UNC5C: variants seen among roughly 807,000 people sequenced by gnomAD.
UNC5C encodes the protein netrin receptor UNC5C.
UNC5C carries 47 observed loss-of-function variants against 99.8 expected under a neutral mutation model. That is an observed-to-expected ratio of 0.47 (90% CI 0.37 to 0.60). The LOEUF is 0.60. Among genes scored for constraint, UNC5C ranks in the 20% least tolerant of loss-of-function variants. UNC5C has a pLI of 0.00. For missense variants in UNC5C, 1,062 were observed against 1,165.9 expected (o/e 0.91, Z 1.30); for synonymous variants, 487 against 452.2 (o/e 1.08, Z -0.98).
At chr4:95,499,548 T>C (rs1475413864) in intron 1 of UNC5C, among the ~76,000 whole-genome samples, 3 of 152,000 alleles carry the variant, frequency 2.0e-5, no homozygotes, top group African/African-American at 7.2e-5. Context: ...CAATCAATCA[T>C]GAAGAAAAGG....
chr4:95,420,637 A>T (rs1384864), intron 1 of UNC5C, among the ~76,000 whole-genome samples: 9,756 of 152,212 alleles, frequency 0.064, 397 homozygotes, highest in South Asian at 0.11. Flanking sequence ...AATGACCTAT[A>T]AGAGTAAACA....
intron 11 of UNC5C, 151 bp from the exon 12 acceptor site, chr4:95,203,115 C>T: frequency 1.5e-6 from 1 of 651,662 alleles, no homozygotes; most frequent in South Asian, 1.9e-5. Context: ...TTGAGTTCAT[C>T]ATTCTGTCTC....
At chr4:95,309,940 C>T (rs1313768560) in intron 2 of UNC5C, among the ~76,000 whole-genome samples, 2 of 152,086 alleles carry the variant, frequency 1.3e-5, no homozygotes, top group Non-Finnish European at 2.9e-5. Flanking sequence ...TAGGTGTATA[C>T]CCAAAGTAAA....
chr4:95,410,647 G>A (rs531222164), intron 1 of UNC5C, among the ~76,000 whole-genome samples: 20 of 152,270 alleles, frequency 1.3e-4, no homozygotes, highest in Non-Finnish European at 2.1e-4. Flanking sequence ...GGGATGCAGC[G>A]TTTAGCTAGA....
intron 1 of UNC5C, among the ~76,000 whole-genome samples, chr4:95,350,784 G>A (rs1347162887): frequency 6.6e-6 from 1 of 152,008 alleles, no homozygotes; most frequent in Non-Finnish European, 1.5e-5. Context: ...TCTCTGTGAT[G>A]GTCAATTATA....
At chr4:95,316,372 G>A (rs529221017) in intron 2 of UNC5C, among the ~76,000 whole-genome samples, 14 of 152,236 alleles carry the variant, frequency 9.2e-5, no homozygotes, top group Middle Eastern at 3.4e-3. Context: ...CAAGGACTTG[G>A]AGTGTGGACC....
chr4:95,470,887 AAAG>A, intron 1 of UNC5C, among the ~76,000 whole-genome samples: 1 of 152,232 alleles, frequency 6.6e-6, no homozygotes, highest in East Asian at 1.9e-4. Context: ...TAAAAACAAA[AAAG>A]AAGTATGAAA....
intron 1 of UNC5C, among the ~76,000 whole-genome samples, chr4:95,523,581 AATAAT>A (rs1354427365): frequency 6.6e-6 from 1 of 152,176 alleles, no homozygotes; most frequent in Non-Finnish European, 1.5e-5. Flanking sequence ...AGAGAGAAAA[AATAAT>A]AAAAATATTA....
chr4:95,260,109 G>T lies in UNC5C; in HGVS notation c.595-9442C>A, dbSNP rs191051830. Among the ~76,000 whole-genome samples, 424 of 152,266 alleles carry T rather than the reference G, an allele frequency of 2.8e-3. 2 individuals are homozygous for T. The highest frequency in any genetic ancestry group is 9.4e-3 in the African/African-American group (389 of 41,540). On this transcript the variant is annotated intron_variant, in intron 4 of 15. Transcript: ENST00000453304. The stretch of plus-strand genomic sequence containing the variant: ...CTGCACTGGTCCCCAAAAAGGGACT[G>T]TCCCCCATCTTTTTCCTCATTAAAC...
At chr4:95,183,985 A>G (rs542410935) in intron 13 of UNC5C, among the ~76,000 whole-genome samples, 1 of 152,328 alleles carries the variant, frequency 6.6e-6, no homozygotes, top group South Asian at 2.1e-4. Context: ...CTAATATCAT[A>G]TTATCATTAT....
intron 1 of UNC5C, among the ~76,000 whole-genome samples, chr4:95,493,925 T>G (rs1414407488): frequency 1.3e-5 from 2 of 151,462 alleles, no homozygotes; most frequent in Non-Finnish European, 3.0e-5. Context: ...CTCTATCAAT[T>G]ACAACGCCAT....
chr4:95,261,993 C>T (rs74288926), intron 4 of UNC5C, among the ~76,000 whole-genome samples: 19,751 of 152,200 alleles, frequency 0.13, 1,365 homozygotes, highest in South Asian at 0.18. Flanking sequence ...TTAGCCACTG[C>T]GCCCAGTCTG....
At chr4:95,404,920 C>T (rs1745794280) in intron 1 of UNC5C, among the ~76,000 whole-genome samples, 1 of 152,084 alleles carries the variant, frequency 6.6e-6, no homozygotes, top group Admixed American at 6.6e-5. Context: ...TGGCTGGGGG[C>T]AGTTGAAGAG....
chr4:95,290,453 T>A (rs1741401896), intron 3 of UNC5C, among the ~76,000 whole-genome samples: 1 of 152,182 alleles, frequency 6.6e-6, no homozygotes, highest in African/African-American at 2.4e-5. Context: ...AGAATGGTTG[T>A]ATGTTTTTTG....
intron 1 of UNC5C, among the ~76,000 whole-genome samples, chr4:95,548,414 C>A (rs973285240): frequency 4.6e-5 from 7 of 152,082 alleles, no homozygotes; most frequent in African/African-American, 1.4e-4. Context: ...TATGCAACAA[C>A]GTGCGCGTGC....
intron 1 of UNC5C, among the ~76,000 whole-genome samples, chr4:95,479,670 C>T (rs866445807): frequency 1.3e-5 from 2 of 151,542 alleles, no homozygotes; most frequent in Admixed American, 6.6e-5. Flanking sequence ...TATAAGATAC[C>T]CAAGATAGTG....
In UNC5C at chr4:95,365,573, T is replaced by C. The variant is rs192197195; in HGVS notation, c.125-29942A>G. 3.4e-4 allele frequency among the ~76,000 whole-genome samples: 51 copies of C among 152,038 alleles called. No individual in the cohort carries two copies. In the East Asian group the frequency reaches 8.9e-3, roughly 26 times the overall value. Reference sequence around the variant, plus strand: ...ATTTTATAATTCTGTTTAAATATTATATTTCATAATGTTATTTCTAATGGC... The same window carrying C: ...ATTTTATAATTCTGTTTAAATATTACATTTCATAATGTTATTTCTAATGGC... On this transcript the variant is annotated intron_variant, in intron 1 of 15. Coordinates refer to ENST00000453304, the MANE Select transcript of UNC5C (RefSeq NM_003728.4).
chr4:95,469,566 C>T (rs545638968), intron 1 of UNC5C, among the ~76,000 whole-genome samples: 2 of 122,928 alleles, frequency 1.6e-5, no homozygotes, highest in East Asian at 4.3e-4. Context: ...GACGGTTTCA[C>T]ATATTTCCTT....
At chr4:95,222,338 A>G in intron 7 of UNC5C, 1 of 866,836 alleles carries the variant, frequency 1.2e-6, no homozygotes, top group Non-Finnish European at 1.7e-6. Flanking sequence ...AATAGGAAGC[A>G]TGAAAAATGG....
Sources: allele counts gnomAD v4.1 joint callset (sites outside exome capture counted in the v4.1 genomes callset), GRCh38; gene constraint gnomAD v4.1.1; transcripts MANE v1.5; gene names NCBI Gene and HGNC (gene_info 2026-07-23, HGNC 2026-07-21).